Variants in NUBPL observed in about 807,000 individuals in gnomAD.
NUBPL encodes iron-sulfur cluster transfer protein NUBPL.
NUBPL carries 31 observed loss-of-function variants against 45.7 expected under a neutral mutation model. The observed-to-expected ratio is 0.68, with a 90% CI of 0.51 to 0.92. The LOEUF (loss-of-function observed/expected upper bound fraction) is 0.92. Among genes scored for constraint, NUBPL ranks in the 40% least tolerant of loss-of-function variants. NUBPL has a pLI of 0.00. For missense variants in NUBPL, 401 were observed against 398.7 expected, an observed-to-expected ratio of 1.01 and a Z score of -0.05; for synonymous variants, 144 against 140.9, an observed-to-expected ratio of 1.02 and a Z score of -0.15.
intron 8 of NUBPL, among the ~76,000 whole-genome samples, chr14:31,830,809 C>T (rs577796496): frequency 1.3e-5 from 2 of 152,244 alleles, no homozygotes; most frequent in African/African-American, 4.8e-5. Flanking sequence ...GTTCCCTTTA[C>T]CCCAACTCAT....
chr14:31,776,288 C>A (rs2039096543), intron 6 of NUBPL, among the ~76,000 whole-genome samples: 1 of 152,120 alleles, frequency 6.6e-6, no homozygotes, highest in South Asian at 2.1e-4. Context: ...CTCCCCAAAT[C>A]ATTCTAAAAT....
chr14:31,623,765 C>A (rs1007076400), intron 4 of NUBPL, among the ~76,000 whole-genome samples: 1 of 152,112 alleles, frequency 6.6e-6, no homozygotes, highest in Admixed American at 6.6e-5. Context: ...ATACGTATGG[C>A]AATCAAGGGA....
intron 6 of NUBPL, among the ~76,000 whole-genome samples, chr14:31,749,350 A>G (rs940496409): frequency 6.6e-6 from 1 of 152,198 alleles, no homozygotes; most frequent in Admixed American, 6.5e-5. Context: ...TTTTGCTTCC[A>G]GATGAAGGAT....
intron 9 of NUBPL, among the ~76,000 whole-genome samples, chr14:31,848,496 GTAT>G (rs2040488220): frequency 6.6e-6 from 1 of 152,168 alleles, no homozygotes; most frequent in South Asian, 2.1e-4. Flanking sequence ...AACCTTATCT[GTAT>G]TTACCTACAG....
intron 6 of NUBPL, among the ~76,000 whole-genome samples, chr14:31,726,796 A>C (rs1056279293): frequency 6.8e-6 from 1 of 147,208 alleles, no homozygotes; most frequent in Non-Finnish European, 1.5e-5. Flanking sequence ...AACTATTGTG[A>C]ATTGCTTTCT....
At chr14:31,631,218 T>C (rs545509223) in intron 4 of NUBPL, among the ~76,000 whole-genome samples, 2 of 152,242 alleles carry the variant, frequency 1.3e-5, no homozygotes, top group East Asian at 3.9e-4. Flanking sequence ...AGTTTTCTAG[T>C]TTTTTACAGG....
chr14:31,589,146 G>T (rs1017169973), intron 3 of NUBPL, among the ~76,000 whole-genome samples: 2 of 151,972 alleles, frequency 1.3e-5, no homozygotes, highest in Admixed American at 6.6e-5. Context: ...CAATTTAAAT[G>T]AAATTAATTC....
intron 6 of NUBPL, among the ~76,000 whole-genome samples, chr14:31,749,631 C>CT (rs1361424984): frequency 1.3e-5 from 2 of 151,866 alleles, no homozygotes; most frequent in African/African-American, 2.4e-5. Context: ...TTCGAATTCT[C>CT]TTTTTTTTCT....
At chr14:31,586,885 C>T (rs2034008800) in intron 3 of NUBPL, among the ~76,000 whole-genome samples, 1 of 152,068 alleles carries the variant, frequency 6.6e-6, no homozygotes, top group Admixed American at 6.6e-5. Context: ...AATGGTGATG[C>T]CATTTTCCAA....
chr14:31,820,751 G>T (rs1270346452), intron 7 of NUBPL, among the ~76,000 whole-genome samples: 1 of 151,124 alleles, frequency 6.6e-6, no homozygotes, highest in Non-Finnish European at 1.5e-5. Flanking sequence ...TTGAATCCGG[G>T]AGGTGGAGGT....
At chr14:31,768,505 G>A (rs2038952877) in intron 6 of NUBPL, among the ~76,000 whole-genome samples, 1 of 152,168 alleles carries the variant, frequency 6.6e-6, no homozygotes, top group Admixed American at 6.5e-5. Flanking sequence ...CCATTTAGAA[G>A]AAAACCTCTG....
intron 10 of NUBPL, among the ~76,000 whole-genome samples, chr14:31,850,750 C>T (rs1161425811): frequency 6.6e-6 from 1 of 152,022 alleles, no homozygotes; most frequent in East Asian, 1.9e-4. Flanking sequence ...CCTCCCCTCC[C>T]GAGTAGCTAG....
At chr14:31,624,964 T>C (rs1395312336) in intron 4 of NUBPL, among the ~76,000 whole-genome samples, 1 of 152,252 alleles carries the variant, frequency 6.6e-6, no homozygotes, top group South Asian at 2.1e-4. Context: ...CACAAGACAC[T>C]CTCCCACAAC....
intron 4 of NUBPL, among the ~76,000 whole-genome samples, chr14:31,638,890 T>G (rs1013699166): frequency 1.3e-5 from 2 of 152,230 alleles, no homozygotes; most frequent in African/African-American, 4.8e-5. Context: ...CTCCTGAGGC[T>G]TCTGCATTCT....
At chr14:31,737,759 G>A (rs1176033733) in intron 6 of NUBPL, among the ~76,000 whole-genome samples, 1 of 152,146 alleles carries the variant, frequency 6.6e-6, no homozygotes, top group Non-Finnish European at 1.5e-5. Context: ...GCTCTAGCCT[G>A]GGTGACAGAG....
At chr14:31,713,760 A>T (rs547401890) in intron 6 of NUBPL, among the ~76,000 whole-genome samples, 9 of 152,102 alleles carry the variant, frequency 5.9e-5, no homozygotes, top group Non-Finnish European at 1.3e-4. Flanking sequence ...CTGCTTTGTT[A>T]TTCTGAAGAC....
chr14:31,685,417 A>G (rs1036635435), intron 6 of NUBPL, among the ~76,000 whole-genome samples: 4 of 152,176 alleles, frequency 2.6e-5, no homozygotes, highest in African/African-American at 9.7e-5. Context: ...GTATTCTAAA[A>G]TAGGCCATTC....
chr14:31,669,805 T>G (rs1473679396), intron 4 of NUBPL, among the ~76,000 whole-genome samples: 1 of 63,466 alleles, frequency 1.6e-5, no homozygotes, highest in African/African-American at 7.3e-5. Context: ...TGGTTTTTTT[T>G]TTTGTTTTTT....
At chr14:31,748,409 C>G (rs965381731) in intron 6 of NUBPL, among the ~76,000 whole-genome samples, 1 of 152,096 alleles carries the variant, frequency 6.6e-6, no homozygotes, top group Non-Finnish European at 1.5e-5. Flanking sequence ...TTGAAATCCT[C>G]AACTGTTATT....
Sources: gnomAD v4.1 joint callset for allele counts (sites outside exome capture counted in the v4.1 genomes callset) on GRCh38, gnomAD v4.1.1 for gene constraint, MANE v1.5 for transcripts, NCBI Gene and HGNC (gene_info 2026-07-23, HGNC 2026-07-21) for gene names.